Variants in EYA2 observed in about 807,000 individuals in gnomAD.
EYA2 encodes EYA transcriptional coactivator and phosphatase 2.
EYA2 carries 31 observed loss-of-function variants against 69.2 expected under a neutral mutation model. That is an observed-to-expected ratio of 0.45 (90% CI 0.34 to 0.60). EYA2 has a LOEUF of 0.60. EYA2 is among the 20% of genes least tolerant of loss of function. The pLI is 0.02. For missense variants in EYA2, 622 were observed against 701.2 expected, an observed-to-expected ratio of 0.89 and a Z score of 1.28; for synonymous variants, 257 against 279.4, an observed-to-expected ratio of 0.92 and a Z score of 0.80.
intron 1 of EYA2, among the ~76,000 whole-genome samples, chr20:46,968,590 G>T (rs547235642): frequency 1.3e-5 from 2 of 152,176 alleles, no homozygotes; most frequent in Admixed American, 6.5e-5. Context: ...TCTAAAACAG[G>T]TTTCTCATGC....
chr20:47,115,360 C>T (rs1453156670), intron 9 of EYA2, among the ~76,000 whole-genome samples: 2 of 152,226 alleles, frequency 1.3e-5, no homozygotes, highest in Non-Finnish European at 2.9e-5. Context: ...AAATTCCCAA[C>T]TGTCTGGGCC....
chr20:47,108,096 G>A (rs2032643210), intron 9 of EYA2, among the ~76,000 whole-genome samples: 2 of 152,174 alleles, frequency 1.3e-5, no homozygotes, highest in Admixed American at 6.5e-5. Flanking sequence ...GTAGAGATTT[G>A]GAGTAGAAGG....
At position 47,097,080 on chromosome 20, in the gene EYA2, C is replaced by G; in HGVS notation, c.805-5C>G. ...TCTCCATTCTCTTCCTCTCTTTCAT[C>G]ACAGCGTGTGTTCGTGTGGGACTTG... On this transcript the variant is annotated splice_region_variant and splice_polypyrimidine_tract_variant and intron_variant, in intron 8 of 15. Coordinates refer to ENST00000327619, the MANE Select transcript of EYA2 (RefSeq NM_005244.5). 6.2e-7 allele frequency: 1 copy of G among 1,607,490 alleles called. No homozygotes were observed. The highest frequency in any genetic ancestry group is 8.5e-7 in the Non-Finnish European group (1 of 1,176,904).
intron 8 of EYA2, among the ~76,000 whole-genome samples, chr20:47,090,172 G>A (rs562701838): frequency 1.8e-4 from 28 of 151,716 alleles, no homozygotes; most frequent in Middle Eastern, 3.5e-3. Flanking sequence ...TTAAAGCTCC[G>A]TGGGTGATTC....
At chr20:46,990,453 G>GGCTCTGA (rs1256090714) in intron 2 of EYA2, among the ~76,000 whole-genome samples, 2 of 152,290 alleles carry the variant, frequency 1.3e-5, no homozygotes, top group African/African-American at 2.4e-5. Context: ...GTCTGTTTCT[G>GGCTCTGA]GCTCTGAGCT....
At chr20:47,082,425 T>C (rs909291781) in intron 7 of EYA2, among the ~76,000 whole-genome samples, 1 of 143,662 alleles carries the variant, frequency 7.0e-6, no homozygotes, top group Non-Finnish European at 1.6e-5. Context: ...ACTAGGTGAA[T>C]ATCTAAAAAT....
intron 7 of EYA2, among the ~76,000 whole-genome samples, chr20:47,088,634 T>C (rs6018268): frequency 1 from 152,047 of 152,296 alleles, 75,899 homozygotes; most frequent in East Asian, 1. Flanking sequence ...GTTATCCAGG[T>C]TGGAGTGCAG....
At chr20:47,179,745 T>C in intron 12 of EYA2, 53 bp from the exon 13 acceptor site, 1 of 1,313,712 alleles carries the variant, frequency 7.6e-7, no homozygotes, top group Non-Finnish European at 1.1e-6. Flanking sequence ...CCTACCTTCA[T>C]CCCCCAGATC....
chr20:47,086,039 GAGAA>G (rs2031883846), intron 7 of EYA2, among the ~76,000 whole-genome samples: 2 of 152,194 alleles, frequency 1.3e-5, no homozygotes, highest in African/African-American at 4.8e-5. Context: ...CATTAAAAGA[GAGAA>G]AGAAAAAGAA....
chr20:47,087,770 C>T (rs181676694), intron 7 of EYA2, among the ~76,000 whole-genome samples: 33 of 152,318 alleles, frequency 2.2e-4, no homozygotes, highest in Admixed American at 4.6e-4. Flanking sequence ...TTCTGTGCTG[C>T]GTCTCTCACT....
chr20:47,125,058 T>G (rs1180950506), intron 9 of EYA2, among the ~76,000 whole-genome samples: 2 of 131,130 alleles, frequency 1.5e-5, no homozygotes, highest in East Asian at 2.0e-4. Flanking sequence ...TTTTTTTTTT[T>G]TTTTTTTTTT....
chr20:47,109,028 C>T (rs149099714), intron 9 of EYA2, among the ~76,000 whole-genome samples: 11 of 152,104 alleles, frequency 7.2e-5, no homozygotes, highest in East Asian at 3.9e-4. Context: ...GAGATGCAGG[C>T]GGGGAGGAGC....
intron 15 of EYA2, among the ~76,000 whole-genome samples, chr20:47,185,490 C>T (rs1451093722): frequency 1.3e-5 from 2 of 151,608 alleles, no homozygotes; most frequent in Non-Finnish European, 2.9e-5. Flanking sequence ...TTAATAGAGA[C>T]GGGGTTTTGC....
chr20:46,959,553 C>G lies in EYA2; in HGVS notation c.-10-30448C>G, dbSNP rs548161186. Reference sequence around the variant, plus strand: ...CCTTTGCAGAACTTTATTCCATTCCCGCCTCCCACGGCATCCTCCTCAGCT... The same window carrying G: ...CCTTTGCAGAACTTTATTCCATTCCGGCCTCCCACGGCATCCTCCTCAGCT... On this transcript the variant is annotated intron_variant, in intron 1 of 15. Transcript: ENST00000327619. 2.0e-5 allele frequency among the ~76,000 whole-genome samples: 3 copies of G among 152,288 alleles called. No homozygotes were observed. The South Asian group carries it at 6.2e-4, about 32-fold the overall frequency.
intron 5 of EYA2, among the ~76,000 whole-genome samples, chr20:47,070,488 T>G (rs986151687): frequency 6.6e-6 from 1 of 152,226 alleles, no homozygotes; most frequent in African/African-American, 2.4e-5. Context: ...GGCCATTTCT[T>G]TTAAAAGGTA....
At chr20:47,187,442 G>A (rs1406734391) in intron 15 of EYA2, among the ~76,000 whole-genome samples, 2 of 146,888 alleles carry the variant, frequency 1.4e-5, no homozygotes, top group Non-Finnish European at 3.0e-5. Context: ...AGATAAAAAC[G>A]AAAGCTATAA....
intron 5 of EYA2, among the ~76,000 whole-genome samples, chr20:47,042,327 C>A (rs1483851881): frequency 6.6e-6 from 1 of 152,194 alleles, no homozygotes; most frequent in Admixed American, 6.5e-5. Context: ...CTCTTCACTT[C>A]TGAGCTAGGC....
chr20:46,956,805 G>A (rs1200636443), intron 1 of EYA2, among the ~76,000 whole-genome samples: 1 of 152,184 alleles, frequency 6.6e-6, no homozygotes, highest in African/African-American at 2.4e-5. Flanking sequence ...AACTTATAAA[G>A]AAAAAGAGGT....
intron 1 of EYA2, among the ~76,000 whole-genome samples, chr20:46,917,072 C>T (rs1381808234): frequency 6.6e-6 from 1 of 152,062 alleles, no homozygotes; most frequent in Admixed American, 6.6e-5. Context: ...AATAATTGAT[C>T]CTTACCATGT....
Sources: allele counts gnomAD v4.1 joint callset (sites outside exome capture counted in the v4.1 genomes callset), GRCh38; gene constraint gnomAD v4.1.1; transcripts MANE v1.5; gene names NCBI Gene and HGNC (gene_info 2026-07-23, HGNC 2026-07-21).